The following CSMD1 variants were observed in gnomAD, a reference collection of about 807,000 sequenced individuals.
The protein encoded by CSMD1 is CUB and Sushi multiple domains 1.
A neutral mutation model predicts 417.5 loss-of-function variants in CSMD1; 213 were observed. That is an observed-to-expected ratio of 0.51 (90% CI 0.46 to 0.57). The LOEUF (loss-of-function observed/expected upper bound fraction) is 0.57. Ranked by LOEUF, CSMD1 falls within the 20% of genes least tolerant of loss-of-function variation. The pLI is 0.00. For missense variants in CSMD1, 6,923 were observed against 4,529.7 expected, an observed-to-expected ratio of 1.53 and a Z score of -15.17; for synonymous variants, 2,862 against 1,736.8, an observed-to-expected ratio of 1.65 and a Z score of -16.11.
intron 4 of CSMD1, among the ~76,000 whole-genome samples, chr8:4,025,274 G>A (rs187835499): frequency 5.1e-4 from 77 of 152,238 alleles, no homozygotes; most frequent in South Asian, 3.5e-3. Flanking sequence ...CTACCTTCTT[G>A]TATGCCCCTA....
chr8:3,632,042 T>C lies in CSMD1; in HGVS notation c.1010-15245A>G, dbSNP rs149049656. Among the ~76,000 whole-genome samples the C allele has an allele frequency of 1.3e-4, 20 of 152,348 alleles. No individual in the cohort carries two copies. The East Asian group carries it at 3.9e-3, about 29-fold the overall frequency. ...TAACTCATCATTCAATCAGCATTAT[T>C]TACATAAGAAAGTAATTGTTTTTTT... On this transcript the variant is annotated intron_variant, in intron 7 of 69. Transcript: ENST00000635120.
At chr8:4,086,070 T>C (rs1800403404) in intron 3 of CSMD1, among the ~76,000 whole-genome samples, 1 of 152,204 alleles carries the variant, frequency 6.6e-6, no homozygotes, top group African/African-American at 2.4e-5. Flanking sequence ...TCAACAAACG[T>C]ATTTTTTCCA....
chr8:3,870,141 C>T (rs1337257425), intron 5 of CSMD1, among the ~76,000 whole-genome samples: 1 of 152,074 alleles, frequency 6.6e-6, no homozygotes, highest in African/African-American at 2.4e-5. Flanking sequence ...ACAGAGATTA[C>T]ACATTATTTT....
intron 10 of CSMD1, among the ~76,000 whole-genome samples, chr8:3,500,090 G>C (rs1367350148): frequency 6.6e-6 from 1 of 152,066 alleles, no homozygotes; most frequent in South Asian, 2.1e-4. Flanking sequence ...CTACAATCGG[G>C]AGTCCTTTTT....
chr8:4,902,220 G>A (rs756792039), intron 1 of CSMD1, among the ~76,000 whole-genome samples: 2 of 151,562 alleles, frequency 1.3e-5, no homozygotes, highest in Non-Finnish European at 2.9e-5. Context: ...AACTCACCTG[G>A]GCAACTTAGC....
At chr8:4,326,067 G>A (rs1425075496) in intron 3 of CSMD1, among the ~76,000 whole-genome samples, 1 of 152,146 alleles carries the variant, frequency 6.6e-6, no homozygotes, top group Non-Finnish European at 1.5e-5. Flanking sequence ...TCCAACACTA[G>A]CATTCATCAG....
At chr8:4,786,805 T>C (rs751307572) in intron 1 of CSMD1, among the ~76,000 whole-genome samples, 3 of 152,002 alleles carry the variant, frequency 2.0e-5, no homozygotes, top group African/African-American at 7.3e-5. Flanking sequence ...ATTTGTCAAT[T>C]AATCCTAAAA....
intron 5 of CSMD1, among the ~76,000 whole-genome samples, chr8:3,910,127 G>C (rs868408967): frequency 6.6e-6 from 1 of 152,178 alleles, no homozygotes; most frequent in Non-Finnish European, 1.5e-5. Flanking sequence ...GATAATAACA[G>C]TGTGTGAGCT....
intron 6 of CSMD1, among the ~76,000 whole-genome samples, chr8:3,713,255 T>C (rs373494117): frequency 1.3e-5 from 2 of 152,326 alleles, no homozygotes; most frequent in South Asian, 2.1e-4. Context: ...GCCTTCACTA[T>C]AATCTCTAAG....
intron 10 of CSMD1, among the ~76,000 whole-genome samples, chr8:3,507,115 T>G (rs368318702): frequency 6.6e-6 from 1 of 152,180 alleles, no homozygotes; most frequent in African/African-American, 2.4e-5. Flanking sequence ...ATAAAAATCA[T>G]AGAAATTGAA....
chr8:4,474,312 A>G (rs962296345), intron 2 of CSMD1, among the ~76,000 whole-genome samples: 1 of 152,228 alleles, frequency 6.6e-6, no homozygotes, highest in African/African-American at 2.4e-5. Context: ...CCAAATAGAA[A>G]AAAAACATAC....
At chr8:4,554,881 G>T (rs1426353421) in intron 2 of CSMD1, among the ~76,000 whole-genome samples, 1 of 152,140 alleles carries the variant, frequency 6.6e-6, no homozygotes, top group Non-Finnish European at 1.5e-5. Flanking sequence ...GCCAGGCCCA[G>T]GTGGTGATGA....
At chr8:3,266,662 C>G (rs966244018) in intron 26 of CSMD1, among the ~76,000 whole-genome samples, 1 of 146,734 alleles carries the variant, frequency 6.8e-6, no homozygotes, top group Non-Finnish European at 1.5e-5. Flanking sequence ...GTAATCCCAG[C>G]TACTCAGGAG....
intron 2 of CSMD1, among the ~76,000 whole-genome samples, chr8:4,575,604 G>C (rs903973782): frequency 1.3e-5 from 2 of 152,150 alleles, no homozygotes; most frequent in African/African-American, 4.8e-5. Flanking sequence ...TTATGATATG[G>C]TAGACATGTG....
chr8:4,471,057 A>G (rs952188455), intron 2 of CSMD1, among the ~76,000 whole-genome samples: 1 of 152,190 alleles, frequency 6.6e-6, no homozygotes, highest in African/African-American at 2.4e-5. Flanking sequence ...TAATTTCCTC[A>G]TTAATAAATC....
intron 5 of CSMD1, among the ~76,000 whole-genome samples, chr8:3,838,008 C>A (rs573522557): frequency 6.6e-6 from 1 of 151,964 alleles, no homozygotes; most frequent in Non-Finnish European, 1.5e-5. Context: ...TGATGCCCTC[C>A]CCAACTAATT....
chr8:4,224,213 G>T (rs886942159), intron 3 of CSMD1, among the ~76,000 whole-genome samples: 1 of 109,390 alleles, frequency 9.1e-6, no homozygotes, highest in Non-Finnish European at 1.8e-5. Flanking sequence ...TGTGATCCAA[G>T]TCCTAAAAAG....
chr8:3,628,558 C>T (rs1796606545), intron 7 of CSMD1, among the ~76,000 whole-genome samples: 2 of 152,144 alleles, frequency 1.3e-5, no homozygotes, highest in African/African-American at 4.8e-5. Context: ...GGTTGGATGC[C>T]ACTGGGCCAC....
chr8:3,720,510 C>T (rs7820399), intron 6 of CSMD1, among the ~76,000 whole-genome samples: 2,069 of 152,240 alleles, frequency 0.014, 37 homozygotes, highest in African/African-American at 0.048. Context: ...TTCCTTTCTG[C>T]TGCCATAGAC....
Sources: gnomAD v4.1 joint callset for allele counts (sites outside exome capture counted in the v4.1 genomes callset) on GRCh38, gnomAD v4.1.1 for gene constraint, MANE v1.5 for transcripts, NCBI Gene and HGNC (gene_info 2026-07-23, HGNC 2026-07-21) for gene names.